MYH11: variants seen among roughly 807,000 people sequenced by gnomAD.
MYH11 encodes the protein myosin-11.
In MYH11, 80 loss-of-function variants were observed where a neutral mutation model predicts 246.6. The ratio of observed to expected loss-of-function variants is 0.32; its 90% CI spans 0.27 to 0.39. MYH11 has a LOEUF of 0.39. Ranked by LOEUF, MYH11 falls within the 10% of genes least tolerant of loss-of-function variation. MYH11 has a pLI of 1.00. For missense variants in MYH11, 2,158 were observed against 2,546.8 expected, an observed-to-expected ratio of 0.85 and a Z score of 3.29; for synonymous variants, 1,071 against 1,015.5, an observed-to-expected ratio of 1.05 and a Z score of -1.04.
At chr16:15,850,213 C>T (rs373006282) in intron 1 of MYH11, among the ~76,000 whole-genome samples, 1 of 152,002 alleles carries the variant, frequency 6.6e-6, no homozygotes, top group African/African-American at 2.4e-5. Context: ...GGTGAAACCC[C>T]GTCTCTACTA....
chr16:15,788,095 T>TTTTTTTTTTTTTTTTTTTTTTTA (rs11273419), intron 4 of MYH11, among the ~76,000 whole-genome samples: 6,594 of 98,700 alleles, frequency 0.067, 1,536 homozygotes, highest in Non-Finnish European at 0.096. Context: ...TTTTTTTTTT[T>TTTTTTTTTTTTTTTTTTTTTTTA]ACCAAGATGG....
intron 27 of MYH11, among the ~76,000 whole-genome samples, chr16:15,728,637 G>T (rs568883519): frequency 2.6e-5 from 4 of 152,142 alleles, no homozygotes; most frequent in African/African-American, 9.6e-5. Context: ...CGGTGGCTCA[G>T]GCCTAGAATC....
intron 3 of MYH11, among the ~76,000 whole-genome samples, chr16:15,819,608 C>T (rs1031187513): frequency 2.8e-4 from 42 of 152,124 alleles, no homozygotes; most frequent in African/African-American, 7.5e-4. Flanking sequence ...CAGATGGGAC[C>T]GTCTAGTTGC....
chr16:15,839,042 CTACAAAAAA>C (rs1219386856), intron 1 of MYH11, among the ~76,000 whole-genome samples: 1 of 151,702 alleles, frequency 6.6e-6, no homozygotes, highest in Non-Finnish European at 1.5e-5. Context: ...AACCTTGTCT[CTACAAAAAA>C]TACAAAAAAT....
intron 3 of MYH11, among the ~76,000 whole-genome samples, chr16:15,811,376 C>T (rs8059018): frequency 0.14 from 21,420 of 152,176 alleles, 2,679 homozygotes; most frequent in African/African-American, 0.33. Context: ...ATCTATACCA[C>T]GCTACCCAGG....
intron 23 of MYH11, among the ~76,000 whole-genome samples, chr16:15,739,604 C>T (rs1307016746): frequency 6.6e-6 from 1 of 152,206 alleles, no homozygotes; most frequent in Non-Finnish European, 1.5e-5. Context: ...GCAGGTGGGG[C>T]TGGTTAGTGA....
rs1286560904 is a variant in MYH11 at position 15,719,686 on chromosome 16, G to C, written c.4981C>G (p.Leu1661Val). Residue 1661 changes from leucine to valine, a missense_variant, in exon 35 of 41, where the codon CTG becomes GTG. Physicochemically the swap from Leu to Val is conservative, Grantham distance 32. Around this residue, in one of 11 missense-constraint regions of MYH11, gnomAD observed 1,013 missense variants for 993.5 expected, o/e 1.02. Coordinates refer to ENST00000300036, the MANE Select transcript of MYH11 (RefSeq NM_002474.3). ...QAQMKDFQRELEDARASRDEI... is the reference protein window; with the variant it reads ...QAQMKDFQREVEDARASRDEI... ...TCTCTGGAGGCACGGGCATCTTCCA[G>C]CTCTCTTTGAAAGTCCTTCATCTGA... 1 of 1,614,044 alleles carries C rather than the reference G, an allele frequency of 6.2e-7. No individual in the cohort carries two copies. The highest frequency in any genetic ancestry group is 8.5e-7 in the Non-Finnish European group (1 of 1,180,044).
In MYH11 at chr16:15,721,563, C is replaced by T. The variant is rs2040485451; in HGVS notation, c.4437G>A (p.Arg1479=). The T allele has an allele frequency of 1.2e-6, 2 of 1,614,104 alleles. No homozygotes were observed. Among genetic ancestry groups the T allele is most frequent in the Non-Finnish European group, 1.7e-6 (2 of 1,180,052 alleles). Residue 1479 remains arginine, a synonymous_variant, in exon 32 of 41, where the codon AGG becomes AGA. Coordinates refer to ENST00000300036, the MANE Select transcript of MYH11 (RefSeq NM_002474.3). The part of the protein sequence containing the change: ...DERDRAEAEA[R]EKETKALSLA... ...GGGACAGGGCCTTGGTTTCCTTCTCCCTGGCTTCTGCCTCAGCTCTGTCCC... is the reference window on the plus strand; with the variant it reads ...GGGACAGGGCCTTGGTTTCCTTCTCTCTGGCTTCTGCCTCAGCTCTGTCCC...
chr16:15,766,630 C>T (rs2041989848), intron 9 of MYH11, among the ~76,000 whole-genome samples: 1 of 152,098 alleles, frequency 6.6e-6, no homozygotes, highest in African/African-American at 2.4e-5. Context: ...CCTTGGCCTC[C>T]CATAGGGTTG....
At chr16:15,854,590 A>C (rs1039126981) in intron 1 of MYH11, among the ~76,000 whole-genome samples, 1 of 152,230 alleles carries the variant, frequency 6.6e-6, no homozygotes, top group African/African-American at 2.4e-5. Context: ...AAAAGTGCCC[A>C]AAAAACATGA....
chr16:15,836,461 G>A (rs999839101), intron 2 of MYH11, among the ~76,000 whole-genome samples: 85 of 152,076 alleles, frequency 5.6e-4, no homozygotes, highest in African/African-American at 2.0e-3. Flanking sequence ...GTACAATAAC[G>A]CGATTTTGGC....
chr16:15,846,060 C>T (rs1464680996), intron 1 of MYH11, among the ~76,000 whole-genome samples: 1 of 152,098 alleles, frequency 6.6e-6, no homozygotes, highest in Non-Finnish European at 1.5e-5. Context: ...CATCATACCA[C>T]TACACTCCAG....
intron 40 of MYH11, among the ~76,000 whole-genome samples, chr16:15,706,552 A>G (rs1047538744): frequency 6.6e-6 from 1 of 152,078 alleles, no homozygotes; most frequent in African/African-American, 2.4e-5. Flanking sequence ...TACTAAATAT[A>G]CTAAATTAGC....
chr16:15,721,151 C>T (rs1177821255), intron 32 of MYH11, 100 bp from the exon 33 acceptor site: 6 of 1,317,886 alleles, frequency 4.6e-6, no homozygotes, highest in African/African-American at 2.9e-5. Context: ...AGGGAGGTGG[C>T]TTTGGCCTCC....
chr16:15,727,914 T>G (rs562991747), intron 27 of MYH11, among the ~76,000 whole-genome samples: 16 of 152,236 alleles, frequency 1.1e-4, no homozygotes, highest in African/African-American at 3.6e-4. Flanking sequence ...GAGGCTGCAG[T>G]GAGCTATGAT....
intron 4 of MYH11, among the ~76,000 whole-genome samples, chr16:15,787,799 G>A (rs1228668384): frequency 6.6e-6 from 1 of 152,102 alleles, no homozygotes; most frequent in African/African-American, 2.4e-5. Context: ...TGCCTCTGGA[G>A]TACCAGGACC....
intron 4 of MYH11, among the ~76,000 whole-genome samples, chr16:15,788,579 T>C (rs571427989): frequency 1.3e-4 from 20 of 152,142 alleles, no homozygotes; most frequent in Non-Finnish European, 2.5e-4. Flanking sequence ...CCCAAATTGC[T>C]GTGCCTAATC....
chr16:15,709,978 G>A (rs966154469), intron 40 of MYH11, among the ~76,000 whole-genome samples: 1 of 152,126 alleles, frequency 6.6e-6, no homozygotes, highest in Non-Finnish European at 1.5e-5. Context: ...GGTGAAACTC[G>A]CACTACAGTT....
intron 2 of MYH11, among the ~76,000 whole-genome samples, chr16:15,833,279 A>G (rs2043792056): frequency 6.6e-6 from 1 of 151,322 alleles, no homozygotes; most frequent in Admixed American, 6.6e-5. Context: ...CCTGGGCAAC[A>G]GAGTAAGACC....
Sources: gnomAD v4.1 joint callset for allele counts (sites outside exome capture counted in the v4.1 genomes callset) on GRCh38, gnomAD v4.1.1 for gene constraint, gnomAD v4.1.1 regional missense constraint, MANE v1.5 for transcripts, NCBI Gene and HGNC (gene_info 2026-07-23, HGNC 2026-07-21) for gene names.